MACROD2: variants seen among roughly 807,000 people sequenced by gnomAD.
MACROD2 encodes the protein ADP-ribose glycohydrolase MACROD2.
A neutral mutation model predicts 70.4 loss-of-function variants in MACROD2; 36 were observed. That is an observed-to-expected ratio of 0.51 (90% CI 0.39 to 0.68). MACROD2 has a LOEUF of 0.68. Among genes scored for constraint, MACROD2 ranks in the 30% least tolerant of loss-of-function variants. MACROD2 has a pLI of 0.00. For missense variants in MACROD2, 496 were observed against 538.4 expected (o/e 0.92, Z 0.78); for synonymous variants, 172 against 178.8 (o/e 0.96, Z 0.30).
chr20:14,527,278 G>T (rs1377315041), intron 4 of MACROD2, among the ~76,000 whole-genome samples: 3 of 151,988 alleles, frequency 2.0e-5, no homozygotes, highest in South Asian at 2.1e-4. Flanking sequence ...GCAGGTTTTC[G>T]TAGGCACACG....
intron 4 of MACROD2, among the ~76,000 whole-genome samples, chr20:14,575,628 A>G (rs563465201): frequency 5.3e-5 from 8 of 152,208 alleles, no homozygotes; most frequent in South Asian, 2.1e-4. Context: ...ATTCATTCAA[A>G]GAATCTTAGT....
chr20:15,794,130 T>G (rs1453609526), intron 8 of MACROD2, among the ~76,000 whole-genome samples: 1 of 152,004 alleles, frequency 6.6e-6, no homozygotes, highest in African/African-American at 2.4e-5. Flanking sequence ...TTTCTGTTAA[T>G]ACAGCTTTAT....
intron 8 of MACROD2, among the ~76,000 whole-genome samples, chr20:15,693,792 T>C (rs889190927): frequency 1.3e-5 from 2 of 152,194 alleles, no homozygotes; most frequent in African/African-American, 4.8e-5. Context: ...TGGTGATTTT[T>C]GAGATTTTGG....
intron 6 of MACROD2, among the ~76,000 whole-genome samples, chr20:15,291,074 C>A (rs554911896): frequency 8.5e-5 from 13 of 152,218 alleles, no homozygotes; most frequent in Non-Finnish European, 1.9e-4. Context: ...CTGTTCCAGG[C>A]AGCCAAATTA....
intron 5 of MACROD2, among the ~76,000 whole-genome samples, chr20:15,207,972 C>A (rs1031070469): frequency 6.6e-6 from 1 of 152,056 alleles, no homozygotes; most frequent in African/African-American, 2.4e-5. Flanking sequence ...GGGAAATTTG[C>A]AGTCATTATT....
intron 5 of MACROD2, among the ~76,000 whole-genome samples, chr20:15,185,148 C>T (rs1191546881): frequency 2.0e-5 from 3 of 152,076 alleles, no homozygotes; most frequent in Non-Finnish European, 2.9e-5. Context: ...TTGTATCCTC[C>T]CTATTACCAG....
intron 4 of MACROD2, among the ~76,000 whole-genome samples, chr20:14,657,076 A>G (rs1986012258): frequency 6.6e-6 from 1 of 152,158 alleles, no homozygotes; most frequent in African/African-American, 2.4e-5. Context: ...TCTTGCCATA[A>G]TGTTATTTCA....
chr20:15,156,217 C>T (rs1268776961), intron 5 of MACROD2, among the ~76,000 whole-genome samples: 2 of 152,154 alleles, frequency 1.3e-5, no homozygotes, highest in Non-Finnish European at 2.9e-5. Context: ...GGTTGGGAGA[C>T]TGCATTCTAT....
At chr20:14,353,418 C>T (rs1268911457) in intron 3 of MACROD2, among the ~76,000 whole-genome samples, 1 of 152,048 alleles carries the variant, frequency 6.6e-6, no homozygotes, top group African/African-American at 2.4e-5. Context: ...ATCTCCTACT[C>T]CACATGTGTG....
chr20:15,204,008 A>G (rs1043645051), intron 5 of MACROD2, among the ~76,000 whole-genome samples: 1 of 152,088 alleles, frequency 6.6e-6, no homozygotes, highest in Non-Finnish European at 1.5e-5. Context: ...AAAATTGGGA[A>G]TGGATTTAAT....
At chr20:14,886,971 G>A (rs1600769266) in intron 5 of MACROD2, among the ~76,000 whole-genome samples, 1 of 152,258 alleles carries the variant, frequency 6.6e-6, no homozygotes. Flanking sequence ...ACCACAAGAT[G>A]ATCATACACT....
At chr20:14,580,479 A>G (rs937872345) in intron 4 of MACROD2, among the ~76,000 whole-genome samples, 1 of 152,172 alleles carries the variant, frequency 6.6e-6, no homozygotes, top group African/African-American at 2.4e-5. Flanking sequence ...ATCATTCTCA[A>G]TATAAAATGT....
chr20:14,646,766 T>G (rs889119333), intron 4 of MACROD2, among the ~76,000 whole-genome samples: 1 of 152,134 alleles, frequency 6.6e-6, no homozygotes, highest in Non-Finnish European at 1.5e-5. Context: ...ATTAATTCAC[T>G]TGTCATTTAT....
chr20:15,376,815 G>T (rs770358377), intron 6 of MACROD2, among the ~76,000 whole-genome samples: 2 of 152,168 alleles, frequency 1.3e-5, no homozygotes, highest in Non-Finnish European at 2.9e-5. Context: ...AAATTCAAAT[G>T]ATCTGACTTC....
At chr20:15,371,737 T>C (rs1295430606) in intron 6 of MACROD2, among the ~76,000 whole-genome samples, 1 of 152,120 alleles carries the variant, frequency 6.6e-6, no homozygotes. Context: ...GGATAAATAT[T>C]TTTTAAAAAG....
intron 5 of MACROD2, among the ~76,000 whole-genome samples, chr20:14,839,559 G>A (rs567353404): frequency 2.0e-4 from 30 of 152,074 alleles, no homozygotes; most frequent in African/African-American, 6.7e-4. Flanking sequence ...TGGCATGGTG[G>A]GGCTTAAAAT....
At chr20:14,230,776 C>T (rs909643319) in intron 3 of MACROD2, among the ~76,000 whole-genome samples, 2 of 146,080 alleles carry the variant, frequency 1.4e-5, no homozygotes, top group African/African-American at 5.1e-5. Flanking sequence ...AATGGTGAAT[C>T]CTTTTAAGAA....
chr20:15,752,007 A>G (rs1260422360), intron 8 of MACROD2, among the ~76,000 whole-genome samples: 1 of 151,892 alleles, frequency 6.6e-6, no homozygotes, highest in Non-Finnish European at 1.5e-5. Context: ...ATAAATTCCC[A>G]CAGTTCTAGA....
chr20:15,991,244 G>A (rs2066554647), intron 15 of MACROD2, among the ~76,000 whole-genome samples: 1 of 151,948 alleles, frequency 6.6e-6, no homozygotes, highest in Non-Finnish European at 1.5e-5. Context: ...ATCTTTTTTT[G>A]CAACTCCTCT....
Sources: allele counts gnomAD v4.1 joint callset (sites outside exome capture counted in the v4.1 genomes callset), GRCh38; gene constraint gnomAD v4.1.1; transcripts MANE v1.5; gene names NCBI Gene and HGNC (gene_info 2026-07-23, HGNC 2026-07-21).